PRXL2B: variants seen among roughly 807,000 people sequenced by gnomAD.
PRXL2B encodes the protein peroxiredoxin like 2B.
A neutral mutation model predicts 24.4 loss-of-function variants in PRXL2B; 26 were observed. The ratio of observed to expected loss-of-function variants is 1.07; its 90% CI spans 0.78 to 1.48. PRXL2B has a LOEUF of 1.48. PRXL2B is among the 40% of genes most tolerant of loss of function. The pLI, the probability that PRXL2B is intolerant of heterozygous loss-of-function variation, is 0.00. For missense variants in PRXL2B, 269 were observed against 264.8 expected, an observed-to-expected ratio of 1.02 and a Z score of -0.11; for synonymous variants, 115 against 118.9, an observed-to-expected ratio of 0.97 and a Z score of 0.21.
chr1:2,588,387 C>G lies in PRXL2B; in HGVS notation c.321-3C>G. ...TTGGCCAAGCGACCTGGTGTCTTCG[C>G]AGGTACAACAGCCTGAGCATCCTCC... On this transcript the variant is annotated splice_polypyrimidine_tract_variant and splice_region_variant and intron_variant, in intron 3 of 6. Transcript: ENST00000419916. The G allele has an allele frequency of 2.5e-6, 4 of 1,614,150 alleles. No individual in the cohort carries two copies. Among genetic ancestry groups the G allele is most frequent in the Non-Finnish European group, 3.4e-6 (4 of 1,180,044 alleles).
At chr1:2,588,684 G>A in intron 5 of PRXL2B, 59 bp downstream of exon 5, 1 of 1,565,730 alleles carries the variant, frequency 6.4e-7, no homozygotes, top group East Asian at 2.2e-5. Flanking sequence ...GAACTTGGTG[G>A]CCCAGCCCAG....
rs767370094 is a variant in PRXL2B at position 2,588,365 on chromosome 1, G to A, written c.321-25G>A. On this transcript the variant is annotated intron_variant, in intron 3 of 6. Coordinates refer to ENST00000419916, the MANE Select transcript of PRXL2B (RefSeq NM_152371.5). ...TGGACCCAGGCTTCTCCGGAGTTTG[G>A]CCAAGCGACCTGGTGTCTTCGCAGG... is the stretch of plus-strand genomic sequence containing the variant. 1.9e-6 allele frequency: 3 copies of A among 1,614,098 alleles called. No homozygotes were observed. The East Asian group carries it at 6.7e-5, about 36-fold the overall frequency.
chr1:2,589,375 TCCAGCGG>T lies in PRXL2B; in HGVS notation c.580-32_580-26del. On this transcript the variant is annotated intron_variant, in intron 6 of 6. Transcript: ENST00000419916. ...CTCCAGGCATTTGTCTGATCCAGTGTCCAGCGGCCCCATGGGACCCTGCTGTCCCCAC... is the reference window on the plus strand; with the variant it reads ...CTCCAGGCATTTGTCTGATCCAGTGTCCCCATGGGACCCTGCTGTCCCCAC... 3 of 1,610,904 alleles carry T rather than the reference TCCAGCGG, an allele frequency of 1.9e-6. No homozygotes were observed. In the East Asian group the frequency reaches 6.7e-5, roughly 36 times the overall value.
chr1:2,588,898 G>A lies in PRXL2B; in HGVS notation c.461-24G>A, dbSNP rs375013831. 1.0e-4 allele frequency: 163 copies of A among 1,608,976 alleles called. No individual in the cohort carries two copies. The Admixed American group carries it at 2.2e-3, about 22-fold the overall frequency. On this transcript the variant is annotated intron_variant, in intron 5 of 6. Transcript: ENST00000419916. ...AGGTGCAGGCGGCCTCCGGGGTGCC[G>A]TGACTGCCTGCCCGCTGCTACAGGT...
At position 2,587,644 on chromosome 1, in the gene PRXL2B, A is replaced by C. The variant is rs1400998522; in HGVS notation, c.269-97A>C. On this transcript the variant is annotated intron_variant, in intron 2 of 6. Transcript: ENST00000419916. This position sits in a 1 kb window ranked among gnomAD's most constrained non-coding sequence, Gnocchi z 6.1. ...GCTGAGCACGGAGGGTGGGCAGAGG[A>C]ACAGAGGGTCGGAAGGAGGAGGGCG... 1 of 1,411,842 alleles carries C rather than the reference A, an allele frequency of 7.1e-7. No homozygotes were observed. The highest frequency in any genetic ancestry group is 9.8e-7 in the Non-Finnish European group (1 of 1,021,256). The allele number at this position is 1,411,842 out of a possible 1,614,324, so 87.5% of individuals were successfully genotyped here. A position where few individuals can be genotyped will look rare whatever the true frequency, so the allele number is the denominator to read the frequency against.
In PRXL2B at chr1:2,590,953, G is replaced by T; in HGVS notation, c.*1526G>T. Reference sequence around the variant, plus strand: ...CTTCGCACAGATGCCTCCGAGCAGCGGGTGGGCGTGGGCCGCACAGCGCGG... The same window carrying T: ...CTTCGCACAGATGCCTCCGAGCAGCTGGTGGGCGTGGGCCGCACAGCGCGG... On this transcript the variant is annotated 3_prime_UTR_variant, in exon 7 of 7. Coordinates refer to ENST00000419916, the MANE Select transcript of PRXL2B (RefSeq NM_152371.5). 1 of 1,431,714 alleles carries T rather than the reference G, an allele frequency of 7.0e-7. No homozygotes were observed. Among genetic ancestry groups the T allele is most frequent in the Non-Finnish European group, 9.3e-7 (1 of 1,079,924 alleles). 88.7% of individuals were successfully genotyped at this position (1,431,714 alleles called of 1,614,324 possible).
rs1333360867 is a variant in PRXL2B at position 2,587,597 on chromosome 1, C to T, written c.269-144C>T. ...GGGGGACACTCAGCCCCGTTTTACC[C>T]CTCCCTGCCCTGCGGGGGTGGGCTG... is the stretch of plus-strand genomic sequence containing the variant. On this transcript the variant is annotated intron_variant, in intron 2 of 6. Coordinates refer to ENST00000419916, the MANE Select transcript of PRXL2B (RefSeq NM_152371.5). This position sits in a 1 kb window ranked among gnomAD's most constrained non-coding sequence, Gnocchi z 6.1. The T allele has an allele frequency of 8.1e-6, 8 of 990,408 alleles. No individual in the cohort carries two copies. The African/African-American group carries it at 1.1e-4, about 14-fold the overall frequency. The allele number at this position is 990,408 out of a possible 1,614,324, so 61.4% of individuals were successfully genotyped here.
At chr1:2,589,324 A>G in intron 6 of PRXL2B, 86 bp from the exon 7 acceptor site, 1 of 1,556,202 alleles carries the variant, frequency 6.4e-7, no homozygotes, top group Non-Finnish European at 8.7e-7. Flanking sequence ...CAGCCTTGGG[A>G]GGGCTGGGGA....
At chr1:2,586,972 G>T in intron 1 of PRXL2B, 24 bp downstream of exon 1, 1 of 1,317,446 alleles carries the variant, frequency 7.6e-7, no homozygotes, top group African/African-American at 1.5e-5. Context: ...GACGCAGGGC[G>T]GTGGGCGCGT....
At chr1:2,589,369 C>A (rs969425029) in intron 6 of PRXL2B, 41 bp from the exon 7 acceptor site, 4 of 1,609,204 alleles carry the variant, frequency 2.5e-6, no homozygotes, top group Admixed American at 1.7e-5. Context: ...TTTGTCTGAT[C>A]CAGTGTCCAG....
Position 2,589,594 on chromosome 1 carries a change from A to G in PRXL2B, c.*167A>G, listed in dbSNP as rs1644630174. 2.2e-6 allele frequency: 2 copies of G among 892,548 alleles called. No homozygotes were observed. Among genetic ancestry groups the G allele is most frequent in the Non-Finnish European group, 1.7e-6 (1 of 573,892 alleles). The allele number at this position is 892,548 out of a possible 1,614,324, so 55.3% of individuals were successfully genotyped here. The stretch of plus-strand genomic sequence containing the variant: ...TTAAAACTGCAGTTCCTGACCACGC[A>G]CTGCTTCGCAGGCTCCGAGCCCTGC... On this transcript the variant is annotated 3_prime_UTR_variant, in exon 7 of 7. Coordinates refer to ENST00000419916, the MANE Select transcript of PRXL2B (RefSeq NM_152371.5).
In PRXL2B at chr1:2,588,454, G is replaced by C; in HGVS notation, c.384+1G>C. The C allele has an allele frequency of 6.2e-7, 1 of 1,614,186 alleles. No homozygotes were observed. On this transcript the variant is annotated splice_donor_variant, in intron 4 of 6. Transcript: ENST00000419916. LOFTEE classifies it high-confidence loss of function. ...GCCCGTGCGTGATGTGGCTGCCAAGGTGTGTGCGGGTCAAGGGTGTACAGG... is the reference window on the plus strand; with the variant it reads ...GCCCGTGCGTGATGTGGCTGCCAAGCTGTGTGCGGGTCAAGGGTGTACAGG...
Position 2,589,415 on chromosome 1 carries a change from CAG to C in PRXL2B, c.590_591del (p.Glu197GlyfsTer189). 3 of 1,613,670 alleles carry C rather than the reference CAG, an allele frequency of 1.9e-6. No individual in the cohort carries two copies. Among genetic ancestry groups the C allele is most frequent in the South Asian group, 1.1e-5 (1 of 91,074 alleles). On this transcript the variant is annotated frameshift_variant, in exon 7 of 7. Coordinates refer to ENST00000419916, the MANE Select transcript of PRXL2B (RefSeq NM_152371.5). LOFTEE classifies it high-confidence loss of function. ...GGACCCTGCTGTCCCCACAGTGTGA[CAG>C]AGAGGTGTGAGGGAGGCGAAGGCCC... ...VCASDPPQCD[R>X]EV
rs561759497 is a variant in PRXL2B at position 2,590,809 on chromosome 1, C to T, written c.*1382C>T. ...TCCGGTCCAGGTACTGCACTGGACA[C>T]TGCTCATCCCTGGGTGTCAGGCAGG... is the stretch of plus-strand genomic sequence containing the variant. On this transcript the variant is annotated 3_prime_UTR_variant, in exon 7 of 7. Coordinates refer to ENST00000419916, the MANE Select transcript of PRXL2B (RefSeq NM_152371.5). 2.2e-5 allele frequency: 10 copies of T among 462,320 alleles called. No homozygotes were observed. Among genetic ancestry groups the T allele is most frequent in the South Asian group, 1.9e-4 (4 of 21,002 alleles). 28.6% of individuals were successfully genotyped at this position (462,320 alleles called of 1,614,324 possible). A position where few individuals can be genotyped will look rare whatever the true frequency, so the allele number is the denominator to read the frequency against.
At position 2,590,229 on chromosome 1, in the gene PRXL2B, G is replaced by A. The variant is rs41315678; in HGVS notation, c.*802G>A. On this transcript the variant is annotated 3_prime_UTR_variant, in exon 7 of 7. Coordinates refer to ENST00000419916, the MANE Select transcript of PRXL2B (RefSeq NM_152371.5). ...CTAGTCCAGACCTGGGGACCACTGT[G>A]GGTTCCTGTGGGTCTCCCGGCTCCC... 609 of 152,662 alleles carry A rather than the reference G, an allele frequency of 4.0e-3. 2 individuals carry two copies. The highest frequency in any genetic ancestry group is 0.012 in the South Asian group (57 of 4,830). 9.5% of individuals were successfully genotyped at this position (152,662 alleles called of 1,614,324 possible).
chr1:2,589,107 A>C (rs1029905788), intron 6 of PRXL2B, 67 bp downstream of exon 6: 189 of 1,470,096 alleles, frequency 1.3e-4, no homozygotes, highest in Non-Finnish European at 1.7e-4. Flanking sequence ...TGGGAGGAGC[A>C]CTCGGCTTGG....
intron 6 of PRXL2B, 56 bp downstream of exon 6, chr1:2,589,096 C>T: frequency 6.6e-7 from 1 of 1,513,048 alleles, no homozygotes; most frequent in Non-Finnish European, 9.1e-7. Context: ...CCTAGGTCCC[C>T]TGGGAGGAGC....
Position 2,589,054 on chromosome 1 carries a change from TGGG to T in PRXL2B, c.579+17_579+19del, listed in dbSNP as rs1478837713. 6.2e-7 allele frequency: 1 copy of T among 1,609,586 alleles called. No homozygotes were observed. Among genetic ancestry groups the T allele is most frequent in the Non-Finnish European group, 8.5e-7 (1 of 1,177,384 alleles). On this transcript the variant is annotated intron_variant, in intron 6 of 6. Coordinates refer to ENST00000419916, the MANE Select transcript of PRXL2B (RefSeq NM_152371.5). ...GACCCGCCTCAGGTGAGCTGGGCCTTGGGGGCGCTGCCTGCCAGCCCACGCCCT... is the reference window on the plus strand; with the variant it reads ...GACCCGCCTCAGGTGAGCTGGGCCTTGGCGCTGCCTGCCAGCCCACGCCCT...
rs1644691644 is a variant in PRXL2B at position 2,591,200 on chromosome 1, G to C, written c.*1773G>C. ...CCAAAACATCAGCCTAATGGCTCATGTCAGTATGAGCAGAAACATTTCAAC... is the reference window on the plus strand; with the variant it reads ...CCAAAACATCAGCCTAATGGCTCATCTCAGTATGAGCAGAAACATTTCAAC... On this transcript the variant is annotated 3_prime_UTR_variant, in exon 7 of 7. Transcript: ENST00000419916. 5.8e-6 allele frequency: 4 copies of C among 688,024 alleles called. No homozygotes were observed. Among genetic ancestry groups the C allele is most frequent in the Non-Finnish European group, 9.5e-6 (4 of 419,142 alleles). 42.6% of individuals were successfully genotyped at this position (688,024 alleles called of 1,614,324 possible).
Sources: allele counts gnomAD v4.1 joint callset, GRCh38; gene constraint gnomAD v4.1.1; non-coding constraint Gnocchi (gnomAD v3.1); transcripts MANE v1.5; gene names NCBI Gene and HGNC (gene_info 2026-07-23, HGNC 2026-07-21).